The following CDH13 variants were observed in gnomAD, a reference collection of about 807,000 sequenced individuals.
The protein encoded by CDH13 is cadherin 13.
Under a neutral mutation model 63.8 loss-of-function variants are expected in CDH13, and 24 were observed. That is an observed-to-expected ratio of 0.38 (90% CI 0.27 to 0.53). The LOEUF (loss-of-function observed/expected upper bound fraction) is 0.53. Among genes scored for constraint, CDH13 ranks in the 20% least tolerant of loss-of-function variants. The pLI is 0.85. For synonymous variants in CDH13, 503 were observed against 355.3 expected (o/e 1.42, Z -4.67); for missense variants, 1,049 against 903.1 (o/e 1.16, Z -2.07).
chr16:82,998,070 G>T (rs1162404343), intron 2 of CDH13, among the ~76,000 whole-genome samples: 1 of 152,188 alleles, frequency 6.6e-6, no homozygotes, highest in African/African-American at 2.4e-5. Flanking sequence ...GGCAGAGTTG[G>T]TGACCAGCTC....
At chr16:82,844,703 T>G (rs1185318632) in intron 1 of CDH13, 4 of 142,512 alleles carry the variant, frequency 2.8e-5, no homozygotes, top group Non-Finnish European at 6.1e-5. Flanking sequence ...GCGGTGATGC[T>G]ATCTCGGCTC....
At chr16:83,472,458 G>C (rs551535552) in intron 6 of CDH13, among the ~76,000 whole-genome samples, 3 of 152,202 alleles carry the variant, frequency 2.0e-5, no homozygotes, top group Non-Finnish European at 4.4e-5. Flanking sequence ...GATGACTCTG[G>C]AGCCCTGAGG....
chr16:83,409,793 A>C (rs1000327977), intron 6 of CDH13, among the ~76,000 whole-genome samples: 2 of 152,222 alleles, frequency 1.3e-5, no homozygotes, highest in Non-Finnish European at 2.9e-5. Context: ...TTTCTCAACA[A>C]GGCAGATGAT....
chr16:82,847,902 T>TC (rs2039331003), intron 1 of CDH13, among the ~76,000 whole-genome samples: 1 of 151,638 alleles, frequency 6.6e-6, no homozygotes, highest in South Asian at 2.1e-4. Context: ...TCACTTTTTT[T>TC]TTTTTTTGTA....
intron 1 of CDH13, chr16:82,727,584 T>C (rs2033168721): frequency 6.6e-6 from 1 of 152,198 alleles, no homozygotes; most frequent in African/African-American, 2.4e-5. Context: ...TAAGAGCTCA[T>C]CCCATTTAGA....
intron 6 of CDH13, among the ~76,000 whole-genome samples, chr16:83,434,165 C>T (rs1328415874): frequency 3.3e-5 from 5 of 152,112 alleles, no homozygotes; most frequent in South Asian, 2.1e-4. Context: ...ACCACCTTGC[C>T]GCTCAGGTTA....
chr16:83,646,282 ACTGGGT>A (rs1911784290), intron 8 of CDH13, among the ~76,000 whole-genome samples: 1 of 152,190 alleles, frequency 6.6e-6, no homozygotes, highest in Non-Finnish European at 1.5e-5. Flanking sequence ...AACCTACCCC[ACTGGGT>A]GAGTAGCGTA....
chr16:82,957,892 G>A (rs1906363885), intron 2 of CDH13, among the ~76,000 whole-genome samples: 1 of 152,286 alleles, frequency 6.6e-6, no homozygotes, highest in Non-Finnish European at 1.5e-5. Flanking sequence ...ATGATAGCTG[G>A]AAAATGTGCA....
At chr16:82,793,993 C>A (rs1000896701) in intron 1 of CDH13, among the ~76,000 whole-genome samples, 6 of 152,000 alleles carry the variant, frequency 3.9e-5, no homozygotes, top group Admixed American at 3.9e-4. Context: ...CTGCTACAAG[C>A]CCCACCAAGA....
chr16:82,671,496 T>G (rs1441992041), intron 1 of CDH13, among the ~76,000 whole-genome samples: 1 of 152,228 alleles, frequency 6.6e-6, no homozygotes, highest in African/African-American at 2.4e-5. Context: ...AATCAGTTGT[T>G]TAAGAAAACG....
intron 2 of CDH13, among the ~76,000 whole-genome samples, chr16:83,014,856 GTATATATATA>G (rs200967243): frequency 9.3e-6 from 1 of 107,732 alleles, no homozygotes; most frequent in Non-Finnish European, 1.9e-5. Context: ...ATATATATTT[GTATATATATA>G]TGTATATATA....
At chr16:83,128,665 C>T (rs1351532862) in intron 4 of CDH13, among the ~76,000 whole-genome samples, 1 of 152,200 alleles carries the variant, frequency 6.6e-6, no homozygotes, top group African/African-American at 2.4e-5. Context: ...ACAATTTCCT[C>T]CGGGGTATAT....
At chr16:83,519,814 G>C (rs2151617513) in intron 7 of CDH13, among the ~76,000 whole-genome samples, 1 of 152,242 alleles carries the variant, frequency 6.6e-6, no homozygotes, top group African/African-American at 2.4e-5. Flanking sequence ...GGAACAAGGG[G>C]AACTGAAAAA....
rs542309866 is a variant in CDH13, at chr16:82,914,524, A to G, written c.157+56051A>G. Reference sequence around the variant, plus strand: ...ATTCCTGACCATCTTCTAACCCTCTAAGGACCCAGACACTCCTAAGTAGTT... The same window carrying G: ...ATTCCTGACCATCTTCTAACCCTCTGAGGACCCAGACACTCCTAAGTAGTT... On this transcript the variant is annotated intron_variant, in intron 2 of 13. Coordinates refer to ENST00000567109, the MANE Select transcript of CDH13 (RefSeq NM_001257.5). 7.2e-5 allele frequency among the ~76,000 whole-genome samples: 11 copies of G among 152,296 alleles called. No individual in the cohort carries two copies. In the East Asian group the frequency reaches 2.1e-3, roughly 29 times the overall value.
chr16:82,958,962 G>A (rs886903089), intron 2 of CDH13, among the ~76,000 whole-genome samples: 2 of 152,238 alleles, frequency 1.3e-5, no homozygotes, highest in African/African-American at 4.8e-5. Context: ...AGAGAAGACT[G>A]AAGATCAAAT....
intron 2 of CDH13, among the ~76,000 whole-genome samples, chr16:82,985,529 C>T (rs989152353): frequency 2.0e-5 from 3 of 152,158 alleles, no homozygotes; most frequent in Non-Finnish European, 2.9e-5. Flanking sequence ...TAAATTCTCA[C>T]TCAGGCCCTA....
rs577304290 is a variant in CDH13 at position 83,056,951 on chromosome 16, T to G, written c.366+24733T>G. 3.3e-4 allele frequency among the ~76,000 whole-genome samples: 50 copies of G among 152,178 alleles called. No individual in the cohort carries two copies. In the South Asian group the frequency reaches 0.01, roughly 32 times the overall value. ...TGTGGAACTGTGAGTCCATTAAACCTTTTTTACTCTTTTTTGTTTGTTTGT... is the reference window on the plus strand; with the variant it reads ...TGTGGAACTGTGAGTCCATTAAACCGTTTTTACTCTTTTTTGTTTGTTTGT... On this transcript the variant is annotated intron_variant, in intron 3 of 13. Transcript: ENST00000567109.
At chr16:83,487,749 C>A (rs1414099898) in intron 7 of CDH13, among the ~76,000 whole-genome samples, 1 of 152,252 alleles carries the variant, frequency 6.6e-6, no homozygotes, top group Non-Finnish European at 1.5e-5. Flanking sequence ...CTCCACGTAA[C>A]TGCTGGGCTT....
intron 10 of CDH13, among the ~76,000 whole-genome samples, chr16:83,703,455 A>T (rs1906545776): frequency 6.6e-6 from 1 of 152,256 alleles, no homozygotes; most frequent in Admixed American, 6.5e-5. Context: ...TGCAGTGATT[A>T]AAATTTTTGA....
Sources: allele counts gnomAD v4.1 joint callset (sites outside exome capture counted in the v4.1 genomes callset), GRCh38; gene constraint gnomAD v4.1.1; transcripts MANE v1.5; gene names NCBI Gene and HGNC (gene_info 2026-07-23, HGNC 2026-07-21).